Variants in EYS observed in about 807,000 individuals in gnomAD.
The protein encoded by EYS is protein eyes shut homolog.
A neutral mutation model predicts 282.1 loss-of-function variants in EYS; 250 were observed. The ratio of observed to expected loss-of-function variants is 0.89; its 90% CI spans 0.80 to 0.98. The LOEUF (loss-of-function observed/expected upper bound fraction) is 0.98, where lower values mean the gene tolerates loss of function less well. EYS is among the 50% of genes least tolerant of loss of function. The probability of loss-of-function intolerance (pLI) is 0.00; values close to 1 mark genes in which losing one functional copy is unlikely to be tolerated. For synonymous variants in EYS, 1,355 were observed against 1,282.9 expected, an observed-to-expected ratio of 1.06 and a Z score of -1.20; for missense variants, 4,016 against 3,709.0, an observed-to-expected ratio of 1.08 and a Z score of -2.15.
chr6:65,132,932 G>A (rs1201414458), intron 12 of EYS, among the ~76,000 whole-genome samples: 6 of 151,974 alleles, frequency 3.9e-5, no homozygotes. Context: ...GCCAAGCTGA[G>A]AGGCAAATCA....
rs552197999 is a variant in EYS, at chr6:64,293,767, A to ACATTTT, written c.6191+13197_6191+13202dup. Among the ~76,000 whole-genome samples, 861 of 152,154 alleles carry ACATTTT rather than the reference A, an allele frequency of 5.7e-3. 4 individuals are homozygous for ACATTTT. Among genetic ancestry groups the ACATTTT allele is most frequent in the African/African-American group, 0.02 (819 of 41,534 alleles). On this transcript the variant is annotated intron_variant, in intron 30 of 42. Coordinates refer to ENST00000503581, the MANE Select transcript of EYS (RefSeq NM_001142800.2). ...GTATTACTATTCCATTTTATTTATT[A>ACATTTT]CATTTTTAAACGTCCATTTCTCTGC...
At chr6:65,520,940 A>G (rs112969973) in intron 2 of EYS, among the ~76,000 whole-genome samples, 7 of 152,264 alleles carry the variant, frequency 4.6e-5, no homozygotes, top group South Asian at 2.1e-4. Flanking sequence ...AGTAACAAAC[A>G]TCTTCTCAAA....
chr6:63,720,843 CTG>C lies in EYS; in HGVS notation c.9186_9187del (p.Asn3062LysfsTer9), dbSNP rs886044149. Reference sequence around the variant, plus strand: ...ATCAATATCCTCGGAAAGAATTAGACTGTTATTTATGTAGGCCTTGATAAGAG... The same window carrying C: ...ATCAATATCCTCGGAAAGAATTAGACTTATTTATGTAGGCCTTGATAAGAG... On this transcript the variant is annotated frameshift_variant, in exon 43 of 43. Coordinates refer to ENST00000503581, the MANE Select transcript of EYS (RefSeq NM_001142800.2). LOFTEE classifies it high-confidence loss of function. The C allele has an allele frequency of 7.1e-6, 11 of 1,551,080 alleles. No homozygotes were observed. Among genetic ancestry groups the C allele is most frequent in the African/African-American group, 4.1e-5 (3 of 72,970 alleles).
At chr6:63,786,567 G>A (rs1283975179) in intron 39 of EYS, among the ~76,000 whole-genome samples, 4 of 151,948 alleles carry the variant, frequency 2.6e-5, no homozygotes, top group Non-Finnish European at 5.9e-5. Context: ...AGAGCCTTAG[G>A]ACAAATACCT....
intron 24 of EYS, among the ~76,000 whole-genome samples, chr6:64,595,501 C>G (rs145550174): frequency 0.011 from 1,603 of 152,172 alleles, 22 homozygotes; most frequent in African/African-American, 0.037. Flanking sequence ...CAAACTGACC[C>G]TCTTTGCAGA....
intron 24 of EYS, among the ~76,000 whole-genome samples, chr6:64,613,208 GA>G (rs1355440824): frequency 6.6e-6 from 1 of 151,864 alleles, no homozygotes; most frequent in Non-Finnish European, 1.5e-5. Flanking sequence ...AATGACTTTT[GA>G]ACAATCCCAT....
intron 29 of EYS, among the ~76,000 whole-genome samples, chr6:64,373,950 G>T (rs912460843): frequency 2.0e-5 from 3 of 151,948 alleles, no homozygotes; most frequent in Non-Finnish European, 4.4e-5. Context: ...GGCATTAGCT[G>T]CCTGGCTATC....
chr6:64,081,802 T>G lies in EYS; in HGVS notation c.6571+54A>C, dbSNP rs889201803. 3 of 1,312,202 alleles carry G rather than the reference T, an allele frequency of 2.3e-6. No homozygotes were observed. The African/African-American group carries it at 4.5e-5, about 20-fold the overall frequency. 81.3% of individuals were successfully genotyped at this position (1,312,202 alleles called of 1,614,324 possible). A position where few individuals can be genotyped will look rare whatever the true frequency, so the allele number is the denominator to read the frequency against. ...ATGAATAAATCATTGATTCAATAGA[T>G]CAACGTTTGAGAAAGAAACATGACA... On this transcript the variant is annotated intron_variant, in intron 32 of 42. Transcript: ENST00000503581.
At position 65,371,319 on chromosome 6, in the gene EYS, G is replaced by A. The variant is rs1027546017; in HGVS notation, c.1299+13067C>T. 2.6e-5 allele frequency among the ~76,000 whole-genome samples: 4 copies of A among 151,654 alleles called. No homozygotes were observed. In the Admixed American group the frequency reaches 2.7e-4, roughly 10 times the overall value. Reference sequence around the variant, plus strand: ...AAACACTATGTCCTTTTATATAAGAGACTGGAGCATCCATGAAGTATCCAA... The same window carrying A: ...AAACACTATGTCCTTTTATATAAGAAACTGGAGCATCCATGAAGTATCCAA... On this transcript the variant is annotated intron_variant, in intron 8 of 42. Coordinates refer to ENST00000503581, the MANE Select transcript of EYS (RefSeq NM_001142800.2).
intron 12 of EYS, among the ~76,000 whole-genome samples, chr6:65,090,168 TC>T (rs1264165136): frequency 6.6e-6 from 1 of 151,924 alleles, no homozygotes. Flanking sequence ...ATACCCATAA[TC>T]CCCAGGTGTC....
chr6:65,029,102 C>A (rs531578493), intron 13 of EYS, among the ~76,000 whole-genome samples: 248 of 152,192 alleles, frequency 1.6e-3, no homozygotes, highest in Non-Finnish European at 2.8e-3. Flanking sequence ...TTGATTTATT[C>A]TCCTTTTTCT....
At chr6:64,871,137 G>A (rs2150054158) in intron 19 of EYS, among the ~76,000 whole-genome samples, 1 of 151,936 alleles carries the variant, frequency 6.6e-6, no homozygotes, top group African/African-American at 2.4e-5. Flanking sequence ...TTCTGCTGTT[G>A]TGTGAATTAC....
chr6:65,249,547 C>CTT (rs34691820), intron 12 of EYS, among the ~76,000 whole-genome samples: 84 of 143,682 alleles, frequency 5.8e-4, no homozygotes, highest in African/African-American at 1.8e-3. Context: ...CATAAATATC[C>CTT]TTTTTTTTTT....
At chr6:63,809,969 C>T (rs1770999617) in intron 36 of EYS, among the ~76,000 whole-genome samples, 1 of 151,164 alleles carries the variant, frequency 6.6e-6, no homozygotes, top group South Asian at 2.1e-4. Context: ...TGGCCGGGCA[C>T]GGTGGCTCAT....
At chr6:64,657,549 G>T (rs7449818) in intron 22 of EYS, among the ~76,000 whole-genome samples, 1 of 151,934 alleles carries the variant, frequency 6.6e-6, no homozygotes, top group Non-Finnish European at 1.5e-5. Context: ...GGGCAGGCCT[G>T]GTGGTGAGAA....
intron 41 of EYS, among the ~76,000 whole-genome samples, chr6:63,746,813 CTT>C (rs1002636881): frequency 6.6e-6 from 1 of 151,878 alleles, no homozygotes. Flanking sequence ...TGATTCTTCT[CTT>C]TTTTTTCTTA....
intron 35 of EYS, among the ~76,000 whole-genome samples, chr6:63,944,225 A>G (rs916053956): frequency 6.6e-6 from 1 of 152,210 alleles, no homozygotes; most frequent in South Asian, 2.1e-4. Flanking sequence ...AAGGGAAACA[A>G]TTTACAGCAA....
chr6:64,166,608 A>G (rs370764175), intron 31 of EYS, among the ~76,000 whole-genome samples: 1 of 151,438 alleles, frequency 6.6e-6, no homozygotes, highest in South Asian at 2.1e-4. Flanking sequence ...ACCGATTTTA[A>G]CAAAGAGGGA....
In EYS at chr6:64,626,146, A is replaced by G. The variant is rs982617936; in HGVS notation, c.3543T>C (p.Asn1181=). The G allele has an allele frequency of 2.6e-6, 4 of 1,546,222 alleles. No individual in the cohort carries two copies. Among genetic ancestry groups the G allele is most frequent in the East Asian group, 2.4e-5 (1 of 40,846 alleles). ...CTGGTTGGCATTTGCAAACATATCC[A>G]TTGATGTGATCTTCACAGTCTGCAC... ...LHGADCEDHI[N]GYVCKCQPGW... The change falls in exon 23 of 43, where the codon AAT becomes AAC. Residue 1181 remains asparagine, a synonymous_variant. Coordinates refer to ENST00000503581, the MANE Select transcript of EYS (RefSeq NM_001142800.2).
Sources: allele counts gnomAD v4.1 joint callset (sites outside exome capture counted in the v4.1 genomes callset), GRCh38; gene constraint gnomAD v4.1.1; transcripts MANE v1.5; gene names NCBI Gene and HGNC (gene_info 2026-07-23, HGNC 2026-07-21).